GRID2: variants seen among roughly 807,000 people sequenced by gnomAD.
GRID2 encodes glutamate ionotropic receptor delta type subunit 2, also known as glutamate receptor ionotropic, delta-2.
GRID2 carries 33 observed loss-of-function variants against 114.8 expected under a neutral mutation model. The observed-to-expected ratio is 0.29, with a 90% confidence interval of 0.22 to 0.38. The LOEUF is 0.38. Among genes scored for constraint, GRID2 ranks in the 10% least tolerant of loss-of-function variants. The pLI is 1.00. For missense variants in GRID2, 1,184 were observed against 1,257.7 expected (o/e 0.94, Z 0.89); for synonymous variants, 505 against 449.9 (o/e 1.12, Z -1.55).
chr4:92,991,358 T>G (rs971735244), intron 2 of GRID2, among the ~76,000 whole-genome samples: 1 of 152,188 alleles, frequency 6.6e-6, no homozygotes, highest in Non-Finnish European at 1.5e-5. Context: ...TTTTTGAATC[T>G]CAGAGTAAAG....
intron 3 of GRID2, among the ~76,000 whole-genome samples, chr4:93,089,318 G>A (rs1004206641): frequency 3.3e-5 from 5 of 152,044 alleles, no homozygotes; most frequent in African/African-American, 1.2e-4. Flanking sequence ...TAATGCCAAG[G>A]GAAAATACTA....
chr4:92,481,517 G>A (rs1448848116), intron 1 of GRID2, among the ~76,000 whole-genome samples: 1 of 152,054 alleles, frequency 6.6e-6, no homozygotes, highest in Non-Finnish European at 1.5e-5. Flanking sequence ...GTGGTTGAAA[G>A]TGTGAAGCTT....
At chr4:93,577,616 T>G (rs947925937) in intron 13 of GRID2, among the ~76,000 whole-genome samples, 1 of 152,232 alleles carries the variant, frequency 6.6e-6, no homozygotes, top group Non-Finnish European at 1.5e-5. Flanking sequence ...AAATGCTATG[T>G]GCCAGACCAC....
intron 3 of GRID2, among the ~76,000 whole-genome samples, chr4:93,106,321 T>C (rs548323629): frequency 6.6e-6 from 1 of 152,178 alleles, no homozygotes; most frequent in African/African-American, 2.4e-5. Flanking sequence ...TTGTGTTCAT[T>C]GAACAAAACC....
At chr4:93,060,747 G>A (rs1485076068) in intron 2 of GRID2, among the ~76,000 whole-genome samples, 2 of 152,082 alleles carry the variant, frequency 1.3e-5, no homozygotes, top group Admixed American at 1.3e-4. Context: ...TTTTGCAGAA[G>A]CCAATTTGGC....
At chr4:93,290,278 C>T (rs182513299) in intron 8 of GRID2, among the ~76,000 whole-genome samples, 48 of 152,086 alleles carry the variant, frequency 3.2e-4, no homozygotes, top group African/African-American at 1.1e-3. Flanking sequence ...CTTATGAGTG[C>T]GTGTTTATGA....
chr4:92,985,579 C>T (rs1409595524), intron 2 of GRID2, among the ~76,000 whole-genome samples: 1 of 152,006 alleles, frequency 6.6e-6, no homozygotes, highest in African/African-American at 2.4e-5. Flanking sequence ...CTCTAGTCAA[C>T]GTTCTTCTCT....
intron 2 of GRID2, among the ~76,000 whole-genome samples, chr4:92,603,156 C>G (rs1195015735): frequency 6.6e-6 from 1 of 152,080 alleles, no homozygotes. Context: ...ATGCTATTCC[C>G]ATTAAACTAC....
At chr4:92,384,608 A>T (rs867619483) in intron 1 of GRID2, among the ~76,000 whole-genome samples, 7 of 53,670 alleles carry the variant, frequency 1.3e-4, no homozygotes, top group South Asian at 5.4e-4. Context: ...CATAATATAT[A>T]ATATATGTTA....
At chr4:93,577,555 A>G (rs987628875) in intron 13 of GRID2, among the ~76,000 whole-genome samples, 13 of 152,164 alleles carry the variant, frequency 8.5e-5, no homozygotes, top group African/African-American at 3.1e-4. Context: ...ATGTTTGCCA[A>G]TTTTTTGGAG....
chr4:92,314,138 C>G (rs576010925), intron 1 of GRID2, among the ~76,000 whole-genome samples: 56 of 151,820 alleles, frequency 3.7e-4, no homozygotes, highest in African/African-American at 1.4e-3. Context: ...TCAAGTGACA[C>G]CAGGCCAAAC....
rs143132001 is a variant in GRID2, at chr4:93,176,521, T to G, written c.736-30883T>G. Among the ~76,000 whole-genome samples the G allele has an allele frequency of 2.3e-3, 356 of 152,302 alleles. 1 individual carries two copies. Among genetic ancestry groups the G allele is most frequent in the African/African-American group, 8.1e-3 (338 of 41,578 alleles). ...ACATTTCTGTCAGTAGCATGGCCAA[T>G]TGTCTACAGTAGAGGTTCCTAGTGG... On this transcript the variant is annotated intron_variant, in intron 4 of 15. Transcript: ENST00000282020.
chr4:92,659,471 CA>C (rs1732415283), intron 2 of GRID2, among the ~76,000 whole-genome samples: 1 of 151,386 alleles, frequency 6.6e-6, no homozygotes, highest in Non-Finnish European at 1.5e-5. Flanking sequence ...TAGAATGTTT[CA>C]GATAGAGCAC....
intron 2 of GRID2, among the ~76,000 whole-genome samples, chr4:92,843,606 C>G (rs969789187): frequency 6.6e-6 from 1 of 152,054 alleles, no homozygotes. Context: ...CTGCTTTACC[C>G]TTATACAAAT....
chr4:92,749,585 A>AT (rs1034189236), intron 2 of GRID2, among the ~76,000 whole-genome samples: 3 of 151,874 alleles, frequency 2.0e-5, no homozygotes, highest in Non-Finnish European at 2.9e-5. Context: ...GATTTGTACC[A>AT]TTTTTAAATG....
At chr4:93,500,316 A>AG (rs1457877800) in intron 12 of GRID2, among the ~76,000 whole-genome samples, 4 of 152,010 alleles carry the variant, frequency 2.6e-5, no homozygotes, top group Admixed American at 1.3e-4. Flanking sequence ...AAAGAGCATG[A>AG]ATAATATAAC....
intron 1 of GRID2, among the ~76,000 whole-genome samples, chr4:92,481,116 A>C (rs760291273): frequency 6.6e-6 from 1 of 152,188 alleles, no homozygotes. Flanking sequence ...TGACGTAAAC[A>C]TGGTAAGCCA....
intron 2 of GRID2, among the ~76,000 whole-genome samples, chr4:92,686,080 A>C (rs1237963809): frequency 6.6e-6 from 1 of 152,050 alleles, no homozygotes; most frequent in African/African-American, 2.4e-5. Flanking sequence ...CTCTCTGTAA[A>C]GTTTTCCTTT....
chr4:93,454,554 C>T (rs760842974), intron 10 of GRID2, among the ~76,000 whole-genome samples: 4 of 151,928 alleles, frequency 2.6e-5, no homozygotes, highest in Non-Finnish European at 4.4e-5. Context: ...TATATGAACT[C>T]GGTACACACA....
Sources: gnomAD v4.1 joint callset for allele counts (sites outside exome capture counted in the v4.1 genomes callset) on GRCh38, gnomAD v4.1.1 for gene constraint, MANE v1.5 for transcripts, NCBI Gene and HGNC (gene_info 2026-07-23, HGNC 2026-07-21) for gene names.